Variants in MALRD1 observed in about 807,000 individuals in gnomAD.
The protein encoded by MALRD1 is MAM and LDL receptor class A domain containing 1.
A neutral mutation model predicts 242.1 loss-of-function variants in MALRD1; 247 were observed. The ratio of observed to expected loss-of-function variants is 1.02; its 90% CI spans 0.92 to 1.13. The LOEUF is 1.13. Ranked by LOEUF, MALRD1 falls within the 50% of genes most tolerant of loss-of-function variation. MALRD1 has a pLI of 0.00. For missense variants in MALRD1, 2,989 were observed against 2,533.1 expected (o/e 1.18, Z -3.86); for synonymous variants, 995 against 866.6 (o/e 1.15, Z -2.60).
At chr10:19,545,221 T>G (rs752507091) in intron 32 of MALRD1, among the ~76,000 whole-genome samples, 1 of 152,168 alleles carries the variant, frequency 6.6e-6, no homozygotes, top group Non-Finnish European at 1.5e-5. Flanking sequence ...TCACATTGGA[T>G]TAGAGCCTAC....
chr10:19,596,856 G>C (rs1216159938), intron 34 of MALRD1, among the ~76,000 whole-genome samples: 1 of 151,510 alleles, frequency 6.6e-6, no homozygotes, highest in East Asian at 1.9e-4. Flanking sequence ...GGGAGGGACA[G>C]AGAGGAGGAA....
chr10:19,468,872 T>G (rs569563382), intron 29 of MALRD1, among the ~76,000 whole-genome samples: 1 of 152,256 alleles, frequency 6.6e-6, no homozygotes, highest in Admixed American at 6.5e-5. Flanking sequence ...TGTATTTCTA[T>G]GAAAAGGTAA....
intron 33 of MALRD1, among the ~76,000 whole-genome samples, chr10:19,569,647 A>C (rs1026623032): frequency 6.8e-6 from 1 of 147,486 alleles, no homozygotes; most frequent in African/African-American, 2.5e-5. Flanking sequence ...TAATATGTAT[A>C]TATATTATAA....
chr10:19,481,783 T>G (rs1837004521), intron 29 of MALRD1, among the ~76,000 whole-genome samples: 1 of 152,086 alleles, frequency 6.6e-6, no homozygotes, highest in Non-Finnish European at 1.5e-5. Flanking sequence ...AATGACCAGC[T>G]AGCATGGTAG....
At chr10:19,421,209 G>A (rs890061695) in intron 28 of MALRD1, among the ~76,000 whole-genome samples, 2 of 152,136 alleles carry the variant, frequency 1.3e-5, no homozygotes, top group South Asian at 2.1e-4. Context: ...ATCTGTTTGT[G>A]TGTGTATGTG....
intron 26 of MALRD1, among the ~76,000 whole-genome samples, chr10:19,379,513 A>G (rs1036083562): frequency 6.6e-5 from 10 of 152,196 alleles, no homozygotes; most frequent in African/African-American, 1.9e-4. Flanking sequence ...GGTTCAAACT[A>G]TAACTACTGT....
chr10:19,410,767 A>C (rs529166527), intron 28 of MALRD1, among the ~76,000 whole-genome samples: 1 of 151,622 alleles, frequency 6.6e-6, no homozygotes, highest in Admixed American at 6.6e-5. Context: ...AGTAGCAAAT[A>C]CATGATTAAC....
chr10:19,503,109 A>G (rs1042633527), intron 31 of MALRD1, among the ~76,000 whole-genome samples: 4 of 152,190 alleles, frequency 2.6e-5, no homozygotes, highest in African/African-American at 4.8e-5. Context: ...GTTAATCACT[A>G]CTTGAGACAG....
rs758236497 is a variant in MALRD1, at chr10:19,394,410, T to C, written c.4845+4801T>C. On this transcript the variant is annotated intron_variant, in intron 28 of 39. Transcript: ENST00000454679. ...TACATGTCTTCCTAGAAATTTTATCTAACAATTTTGCTATGTAATAGGGAA... is the reference window on the plus strand; with the variant it reads ...TACATGTCTTCCTAGAAATTTTATCCAACAATTTTGCTATGTAATAGGGAA... Among the ~76,000 whole-genome samples, 45 of 152,314 alleles carry C rather than the reference T, an allele frequency of 3.0e-4. 1 individual carries two copies. In the Middle Eastern group the frequency reaches 0.02, roughly 69 times the overall value.
At chr10:19,238,524 A>G (rs1838572160) in intron 18 of MALRD1, among the ~76,000 whole-genome samples, 1 of 98,014 alleles carries the variant, frequency 1.0e-5, no homozygotes, top group Non-Finnish European at 1.9e-5. Context: ...TATATTATAT[A>G]TAATATACAT....
intron 21 of MALRD1, among the ~76,000 whole-genome samples, chr10:19,300,823 C>A (rs1345170534): frequency 6.6e-6 from 1 of 151,800 alleles, no homozygotes; most frequent in African/African-American, 2.4e-5. Context: ...TAAGCAGATG[C>A]CAAAGCAATG....
At chr10:19,073,036 C>T (rs1378934585) in intron 2 of MALRD1, among the ~76,000 whole-genome samples, 2 of 151,660 alleles carry the variant, frequency 1.3e-5, no homozygotes, top group Non-Finnish European at 2.9e-5. Context: ...TGCCTCAGGC[C>T]CTTGAGTAGC....
At chr10:19,540,410 A>G (rs1015270850) in intron 32 of MALRD1, among the ~76,000 whole-genome samples, 3 of 152,260 alleles carry the variant, frequency 2.0e-5, no homozygotes, top group African/African-American at 7.2e-5. Context: ...GGCTTTTGAT[A>G]CATCACTCAA....
At chr10:19,420,917 G>A (rs1833697274) in intron 28 of MALRD1, among the ~76,000 whole-genome samples, 1 of 152,096 alleles carries the variant, frequency 6.6e-6, no homozygotes, top group Non-Finnish European at 1.5e-5. Context: ...TATGGAAACA[G>A]GGCTACTTGT....
At chr10:19,245,448 C>T (rs1022544818) in intron 18 of MALRD1, among the ~76,000 whole-genome samples, 1 of 152,102 alleles carries the variant, frequency 6.6e-6, no homozygotes, top group South Asian at 2.1e-4. Flanking sequence ...TGTATTCTCT[C>T]CACATTGCAT....
chr10:19,275,848 A>G (rs1202175176), intron 19 of MALRD1, among the ~76,000 whole-genome samples: 1 of 152,142 alleles, frequency 6.6e-6, no homozygotes, highest in Non-Finnish European at 1.5e-5. Context: ...AAGATGATTA[A>G]TTGTAAATGT....
intron 38 of MALRD1, among the ~76,000 whole-genome samples, chr10:19,694,874 A>G (rs1369083520): frequency 6.6e-6 from 1 of 152,206 alleles, no homozygotes; most frequent in African/African-American, 2.4e-5. Context: ...CACATACACC[A>G]TGGAATACTA....
intron 21 of MALRD1, among the ~76,000 whole-genome samples, chr10:19,315,615 T>C (rs1304561695): frequency 1.0e-5 from 1 of 95,406 alleles, no homozygotes; most frequent in Non-Finnish European, 2.1e-5. Context: ...TATAAATATT[T>C]ATATAAATTA....
intron 14 of MALRD1, among the ~76,000 whole-genome samples, chr10:19,190,077 CAA>C (rs1338534407): frequency 6.6e-6 from 1 of 151,840 alleles, no homozygotes; most frequent in East Asian, 1.9e-4. Context: ...TTAAGTTCTA[CAA>C]AAAACCCTGT....
Sources: allele counts gnomAD v4.1 joint callset (sites outside exome capture counted in the v4.1 genomes callset), GRCh38; gene constraint gnomAD v4.1.1; transcripts MANE v1.5; gene names NCBI Gene and HGNC (gene_info 2026-07-23, HGNC 2026-07-21).